The following SHLD1 variants were observed in gnomAD, a reference collection of about 807,000 sequenced individuals.
The protein encoded by SHLD1 is RINN1-REV7-interacting novel NHEJ regulator 3.
A neutral mutation model predicts 5.5 loss-of-function variants in SHLD1; 3 were observed. The ratio of observed to expected loss-of-function variants is 0.54; its 90% CI spans 0.25 to 1.40. The LOEUF (loss-of-function observed/expected upper bound fraction) is 1.40, where lower values mean the gene tolerates loss of function less well. Ranked by LOEUF, SHLD1 falls within the 40% of genes most tolerant of loss-of-function variation. The pLI is 0.15. For missense variants in SHLD1, 210 were observed against 244.4 expected, an observed-to-expected ratio of 0.86 and a Z score of 0.94; for synonymous variants, 92 against 94.3, an observed-to-expected ratio of 0.98 and a Z score of 0.14.
intron 2 of SHLD1, among the ~76,000 whole-genome samples, chr20:5,821,126 A>T (rs1300496521): frequency 1.3e-5 from 2 of 152,240 alleles, no homozygotes; most frequent in African/African-American, 4.8e-5. Context: ...TTATAGATCC[A>T]TCAATGACAA....
intron 2 of SHLD1, among the ~76,000 whole-genome samples, chr20:5,795,230 C>T (rs2122317841): frequency 6.9e-6 from 1 of 145,554 alleles, no homozygotes; most frequent in South Asian, 2.2e-4. Context: ...TAGAGTGAGA[C>T]TCTGTCTCAA....
chr20:5,814,900 A>C (rs1360177429), intron 2 of SHLD1, among the ~76,000 whole-genome samples: 1 of 151,920 alleles, frequency 6.6e-6, no homozygotes, highest in Non-Finnish European at 1.5e-5. Context: ...AGATCTGCCC[A>C]CCTTGGCCTC....
chr20:5,863,419 A>G lies in SHLD1; in HGVS notation c.574A>G (p.Ile192Val). The change falls in exon 3 of 3, where the codon ATT (isoleucine) becomes GTT (valine). Residue 192 changes from isoleucine (I) to valine (V), a missense_variant. Transcript: ENST00000303142. ...EKPNPGLSKD[I>V]THFLLQQNVM... The stretch of plus-strand genomic sequence containing the variant: ...GCCAAACCCAGGACTGTCAAAGGAT[A>G]TTACTCATTTCCTCTTGCAGCAGAA... 6.2e-7 allele frequency: 1 copy of G among 1,612,156 alleles called. No homozygotes were observed. Among genetic ancestry groups the G allele is most frequent in the Non-Finnish European group, 8.5e-7 (1 of 1,179,212 alleles).
intron 1 of SHLD1, among the ~76,000 whole-genome samples, chr20:5,750,741 C>A (rs1983701460): frequency 6.6e-6 from 1 of 151,824 alleles, no homozygotes; most frequent in Admixed American, 6.6e-5. Context: ...TGACCTGCCA[C>A]TTCAGGAGGT....
chr20:5,845,582 T>C (rs1394561457), intron 2 of SHLD1, among the ~76,000 whole-genome samples: 2 of 152,238 alleles, frequency 1.3e-5, no homozygotes, highest in African/African-American at 4.8e-5. Flanking sequence ...ACAGAACTGA[T>C]GTTAGAATAC....
chr20:5,854,711 G>C lies in SHLD1; in HGVS notation c.179-8313G>C, dbSNP rs186744327. 9.9e-5 allele frequency among the ~76,000 whole-genome samples: 15 copies of C among 152,212 alleles called. No homozygotes were observed. In the East Asian group the frequency reaches 2.7e-3, roughly 27 times the overall value. ...AGTCTTAATCATTTTGAAGCATATA[G>C]TTCTGTAGTATTAAGTTCATTTGTA... On this transcript the variant is annotated intron_variant, in intron 2 of 2. Transcript: ENST00000303142.
intron 2 of SHLD1, among the ~76,000 whole-genome samples, chr20:5,809,021 G>A (rs1374524111): frequency 1.3e-5 from 2 of 151,546 alleles, no homozygotes; most frequent in Admixed American, 1.3e-4. Context: ...CATAGTGGCA[G>A]ATACAGAGTT....
At chr20:5,774,816 C>T (rs1600108747) in intron 2 of SHLD1, among the ~76,000 whole-genome samples, 1 of 152,292 alleles carries the variant, frequency 6.6e-6, no homozygotes, top group African/African-American at 2.4e-5. Context: ...TCGGCAGGGA[C>T]ACAAATCCAA....
At chr20:5,752,190 G>A (rs2122157094) in intron 1 of SHLD1, among the ~76,000 whole-genome samples, 1 of 152,240 alleles carries the variant, frequency 6.6e-6, no homozygotes, top group African/African-American at 2.4e-5. Flanking sequence ...GAGGTCAGGA[G>A]TTCAAGACCA....
intron 2 of SHLD1, among the ~76,000 whole-genome samples, chr20:5,814,113 C>T (rs1219509066): frequency 2.6e-5 from 4 of 151,710 alleles, no homozygotes; most frequent in Non-Finnish European, 4.4e-5. Flanking sequence ...CCACCATGCC[C>T]GGCTAATTTT....
chr20:5,859,664 A>G (rs6107711), intron 2 of SHLD1, among the ~76,000 whole-genome samples: 19,805 of 152,274 alleles, frequency 0.13, 1,571 homozygotes, highest in Non-Finnish European at 0.17. Flanking sequence ...ATTAGAGAGG[A>G]GGCTTTATAG....
chr20:5,777,464 A>G (rs67112461), intron 2 of SHLD1, among the ~76,000 whole-genome samples: 38,521 of 151,880 alleles, frequency 0.25, 5,175 homozygotes, highest in African/African-American at 0.34. Flanking sequence ...TTTTCGAGGT[A>G]TGATCCTGCT....
At chr20:5,756,457 G>C (rs1015810787) in intron 1 of SHLD1, among the ~76,000 whole-genome samples, 1 of 151,984 alleles carries the variant, frequency 6.6e-6, no homozygotes, top group African/African-American at 2.4e-5. Context: ...TTTAAAAATA[G>C]TTTTCAGTAT....
chr20:5,760,940 T>C (rs1378491096), intron 1 of SHLD1, among the ~76,000 whole-genome samples: 1 of 151,906 alleles, frequency 6.6e-6, no homozygotes, highest in Non-Finnish European at 1.5e-5. Context: ...TGAGGGGTGG[T>C]TGAGTTCATC....
intron 1 of SHLD1, among the ~76,000 whole-genome samples, chr20:5,768,386 TG>T (rs1232668868): frequency 6.6e-6 from 1 of 152,226 alleles, no homozygotes; most frequent in African/African-American, 2.4e-5. Context: ...GCCCCACGCT[TG>T]GGGAGAACCT....
chr20:5,850,519 T>A (rs2087994644), intron 2 of SHLD1, among the ~76,000 whole-genome samples: 1 of 151,198 alleles, frequency 6.6e-6, no homozygotes, highest in African/African-American at 2.4e-5. Flanking sequence ...TAATTTTTTT[T>A]TTTTTTTTTG....
chr20:5,848,851 T>C (rs2122487423), intron 2 of SHLD1, among the ~76,000 whole-genome samples: 1 of 152,332 alleles, frequency 6.6e-6, no homozygotes, highest in African/African-American at 2.4e-5. Context: ...CCTCTGCTCA[T>C]GGCATCTGTG....
intron 2 of SHLD1, among the ~76,000 whole-genome samples, chr20:5,852,415 C>CCCTTCCTTCCTACCTTCCTT (rs1555777909): frequency 6.7e-6 from 1 of 149,982 alleles, no homozygotes; most frequent in African/African-American, 2.5e-5. Context: ...TCCTTTCCCT[C>CCCTTCCTTCCTACCTTCCTT]CCTTCCTTCC....
chr20:5,754,582 A>G (rs1983956750), intron 1 of SHLD1, among the ~76,000 whole-genome samples: 1 of 152,198 alleles, frequency 6.6e-6, no homozygotes, highest in Admixed American at 6.5e-5. Context: ...CATGGCCCGT[A>G]ACACAGCATC....
Sources: gnomAD v4.1 joint callset for allele counts (sites outside exome capture counted in the v4.1 genomes callset) on GRCh38, gnomAD v4.1.1 for gene constraint, MANE v1.5 for transcripts, NCBI Gene and HGNC (gene_info 2026-07-23, HGNC 2026-07-21) for gene names.